MYO6: variants seen among roughly 807,000 people sequenced by gnomAD.
MYO6 encodes the protein unconventional myosin-VI.
A neutral mutation model predicts 178.7 loss-of-function variants in MYO6; 74 were observed. That is an observed-to-expected ratio of 0.41 (90% confidence interval 0.34 to 0.50). The LOEUF (loss-of-function observed/expected upper bound fraction) is 0.50, where lower values mean the gene tolerates loss of function less well. Ranked by LOEUF, MYO6 falls within the 20% of genes least tolerant of loss-of-function variation. The pLI, the probability that MYO6 is intolerant of heterozygous loss-of-function variation, is 0.09. For synonymous variants in MYO6, 477 were observed against 504.6 expected (o/e 0.95, Z 0.73); for missense variants, 1,330 against 1,547.4 (o/e 0.86, Z 2.36).
intron 17 of MYO6, 85 bp from the exon 18 acceptor site, chr6:75,866,847 C>A: frequency 7.1e-7 from 1 of 1,417,766 alleles, no homozygotes; most frequent in Non-Finnish European, 9.9e-7. Context: ...TTTCTGTCAT[C>A]ACAGAAAGTT....
chr6:75,784,732 G>A (rs989767148), intron 1 of MYO6, among the ~76,000 whole-genome samples: 1 of 129,750 alleles, frequency 7.7e-6, no homozygotes, highest in Non-Finnish European at 1.5e-5. Context: ...AGCCGAGGTC[G>A]CACCACTGCA....
Position 75,914,118 on chromosome 6 carries a change from CCGACAGCAA to C in MYO6, c.3498_3506del (p.Gln1167_Arg1169del), listed in dbSNP as rs1357617074. The C allele has an allele frequency of 6.2e-7, 1 of 1,614,100 alleles. No individual in the cohort carries two copies. The highest frequency in any genetic ancestry group is 8.5e-7 in the Non-Finnish European group (1 of 1,180,016). ...CCAGGCAGCGGGAGATTGAAATGAA[CCGACAGCAA>C]CGCTTCTTCCGCATCCCATTCATCC... On this transcript the variant is annotated inframe_deletion, in exon 34 of 35. Transcript: ENST00000369977.
Position 75,750,312 on chromosome 6 carries a change from G to C in MYO6, c.-48+889G>C, listed in dbSNP as rs535679858. ...GGGTTTCACCATCTTGGCCAGGCAG[G>C]TCTTGAAATCCTGACCTCTTGATCC... On this transcript the variant is annotated intron_variant, in intron 1 of 34. Transcript: ENST00000369977. 8.4e-4 allele frequency among the ~76,000 whole-genome samples: 128 copies of C among 152,092 alleles called. 1 individual carries two copies. The highest frequency in any genetic ancestry group is 1.4e-3 in the Non-Finnish European group (95 of 67,988).
intron 33 of MYO6, among the ~76,000 whole-genome samples, chr6:75,913,510 G>A (rs1385578237): frequency 6.6e-6 from 1 of 152,076 alleles, no homozygotes; most frequent in East Asian, 1.9e-4. Context: ...TAATATCTAT[G>A]TCATTGTGGT....
chr6:75,771,537 A>T (rs987319802), intron 1 of MYO6, among the ~76,000 whole-genome samples: 3 of 152,216 alleles, frequency 2.0e-5, no homozygotes, highest in Admixed American at 2.0e-4. Context: ...AGAAAAAATC[A>T]GCTACACAAA....
intron 1 of MYO6, among the ~76,000 whole-genome samples, chr6:75,789,185 T>C (rs1767978313): frequency 6.6e-6 from 1 of 152,210 alleles, no homozygotes; most frequent in South Asian, 2.1e-4. Flanking sequence ...TCATTGAATC[T>C]AAAATATCAT....
At chr6:75,897,416 TTC>T (rs1190762933) in intron 29 of MYO6, among the ~76,000 whole-genome samples, 2 of 152,230 alleles carry the variant, frequency 1.3e-5, no homozygotes, top group African/African-American at 4.8e-5. Context: ...AGATATCTTG[TTC>T]TCTGACTGTG....
At chr6:75,763,257 C>T (rs1778110644) in intron 1 of MYO6, among the ~76,000 whole-genome samples, 1 of 152,110 alleles carries the variant, frequency 6.6e-6, no homozygotes, top group African/African-American at 2.4e-5. Context: ...AACTCCTGAC[C>T]TCATGATCCA....
At chr6:75,883,385 C>T (rs549998529) in intron 23 of MYO6, among the ~76,000 whole-genome samples, 35 of 152,202 alleles carry the variant, frequency 2.3e-4, no homozygotes, top group African/African-American at 8.4e-4. Flanking sequence ...TCTTGTACCA[C>T]GAATAATAGG....
At chr6:75,904,291 T>G (rs9359146) in intron 30 of MYO6, among the ~76,000 whole-genome samples, 56,056 of 145,904 alleles carry the variant, frequency 0.38, 11,726 homozygotes, top group Middle Eastern at 0.53. Context: ...CTAGATTGGG[T>G]AAGTTCTCCT....
Position 75,915,805 on chromosome 6 carries a change from G to C in MYO6, c.*793G>C, listed in dbSNP as rs1010052144. 1.3e-5 allele frequency: 2 copies of C among 152,604 alleles called. No homozygotes were observed. Among genetic ancestry groups the C allele is most frequent in the African/African-American group, 4.8e-5 (2 of 41,444 alleles). 9.5% of individuals were successfully genotyped at this position (152,604 alleles called of 1,614,324 possible). A position where few individuals can be genotyped will look rare whatever the true frequency, so the allele number is the denominator to read the frequency against. ...CAATTAGAAAAGGAAATAGGTTTTA[G>C]GTGGCATAGTGGCTTAACTGGACTG... On this transcript the variant is annotated 3_prime_UTR_variant, in exon 35 of 35. Transcript: ENST00000369977.
intron 1 of MYO6, among the ~76,000 whole-genome samples, chr6:75,793,402 G>A (rs914310864): frequency 3.3e-5 from 5 of 152,040 alleles, no homozygotes; most frequent in African/African-American, 1.2e-4. Flanking sequence ...GTCAGGAGTT[G>A]AGATCAGCCT....
At chr6:75,908,681 T>C (rs1462936394) in intron 32 of MYO6, 54 bp downstream of exon 32, 2 of 1,574,158 alleles carry the variant, frequency 1.3e-6, no homozygotes, top group Non-Finnish European at 1.7e-6. Context: ...TATAAATGCA[T>C]GTATCTGTAC....
chr6:75,833,896 T>C (rs975990245), intron 6 of MYO6, among the ~76,000 whole-genome samples: 1 of 152,236 alleles, frequency 6.6e-6, no homozygotes, highest in Non-Finnish European at 1.5e-5. Flanking sequence ...TGGTGGGCTC[T>C]ATCCTTTTTA....
At chr6:75,873,058 C>T (rs1777275396) in intron 19 of MYO6, 149 bp from the exon 20 acceptor site, 2 of 682,322 alleles carry the variant, frequency 2.9e-6, no homozygotes, top group Non-Finnish European at 2.6e-6. Flanking sequence ...CAGGCATGAG[C>T]CACTGCTCCC....
chr6:75,756,914 C>CAT (rs1554189698), intron 1 of MYO6, among the ~76,000 whole-genome samples: 2 of 134,144 alleles, frequency 1.5e-5, no homozygotes, highest in African/African-American at 6.3e-5. Context: ...TATATATACA[C>CAT]ATATATATAC....
At chr6:75,895,385 A>G (rs927464013) in intron 29 of MYO6, 125 bp downstream of exon 29, 4 of 773,414 alleles carry the variant, frequency 5.2e-6, no homozygotes, top group Non-Finnish European at 8.6e-6. Flanking sequence ...CCTTTTTCAT[A>G]TTTTTCTTGT....
At chr6:75,829,066 A>G (rs915455497) in intron 4 of MYO6, among the ~76,000 whole-genome samples, 10 of 152,156 alleles carry the variant, frequency 6.6e-5, no homozygotes, top group African/African-American at 1.9e-4. Flanking sequence ...AAAAATGTAA[A>G]TCAGAATAGG....
At chr6:75,892,771 G>T in intron 28 of MYO6, 81 bp downstream of exon 28, 1 of 1,452,568 alleles carries the variant, frequency 6.9e-7, no homozygotes, top group South Asian at 1.2e-5. Flanking sequence ...ATGCAGAAGG[G>T]AATAGGAGAA....
Sources: gnomAD v4.1 joint callset for allele counts (sites outside exome capture counted in the v4.1 genomes callset) on GRCh38, gnomAD v4.1.1 for gene constraint, MANE v1.5 for transcripts, NCBI Gene and HGNC (gene_info 2026-07-23, HGNC 2026-07-21) for gene names.